Variants in PDIA5 observed in about 807,000 individuals in gnomAD.
The protein encoded by PDIA5 is protein disulfide-isomerase A5.
PDIA5 carries 58 observed loss-of-function variants against 77.6 expected under a neutral mutation model. That is an observed-to-expected ratio of 0.75 (90% CI 0.61 to 0.93). The LOEUF (loss-of-function observed/expected upper bound fraction) is 0.93. PDIA5 is among the 40% of genes least tolerant of loss of function. The pLI is 0.00. For synonymous variants in PDIA5, 250 were observed against 252.1 expected, an observed-to-expected ratio of 0.99 and a Z score of 0.08; for missense variants, 630 against 647.7, an observed-to-expected ratio of 0.97 and a Z score of 0.30.
intron 10 of PDIA5, 85 bp downstream of exon 10, chr3:123,124,428 G>T: frequency 1.1e-6 from 1 of 933,554 alleles, no homozygotes; most frequent in Non-Finnish European, 1.8e-6. Flanking sequence ...GCTCTGGCTG[G>T]AGGTTGGGGG....
chr3:123,110,374 G>A (rs970551466), intron 6 of PDIA5, among the ~76,000 whole-genome samples: 1 of 152,176 alleles, frequency 6.6e-6, no homozygotes, highest in Non-Finnish European at 1.5e-5. Context: ...TGGACTCCTG[G>A]GGATAAGGAT....
chr3:123,108,306 A>C (rs889061999), intron 6 of PDIA5, among the ~76,000 whole-genome samples: 8 of 141,162 alleles, frequency 5.7e-5, no homozygotes, highest in Non-Finnish European at 1.2e-4. Context: ...TTTGAGACAG[A>C]GTCTTACTTT....
chr3:123,130,444 G>C (rs1356234516), intron 10 of PDIA5, 36 bp from the exon 11 acceptor site: 1 of 1,598,246 alleles, frequency 6.3e-7, no homozygotes, highest in Non-Finnish European at 8.5e-7. Context: ...AGGCCCCAGG[G>C]CCTGCTCTGA....
intron 14 of PDIA5, among the ~76,000 whole-genome samples, chr3:123,153,956 A>G (rs1935966800): frequency 6.6e-6 from 1 of 152,182 alleles, no homozygotes; most frequent in African/African-American, 2.4e-5. Flanking sequence ...CCCCTTGCTC[A>G]GGGAAACCCT....
chr3:123,145,387 T>C, intron 11 of PDIA5, 135 bp from the exon 12 acceptor site: 1 of 644,446 alleles, frequency 1.6e-6, no homozygotes, highest in Admixed American at 2.8e-5. Context: ...ATATTTCTTT[T>C]CTTTGAGCTG....
chr3:123,155,661 G>A (rs984287686), intron 15 of PDIA5, among the ~76,000 whole-genome samples: 1 of 152,230 alleles, frequency 6.6e-6, no homozygotes, highest in Non-Finnish European at 1.5e-5. Flanking sequence ...GCCAGCCTTT[G>A]AGTTCCCTTC....
At chr3:123,133,704 C>T (rs374797727) in intron 11 of PDIA5, among the ~76,000 whole-genome samples, 1 of 152,174 alleles carries the variant, frequency 6.6e-6, no homozygotes, top group Non-Finnish European at 1.5e-5. Flanking sequence ...CATACTTTCA[C>T]ATTTGGCAGG....
intron 5 of PDIA5, among the ~76,000 whole-genome samples, chr3:123,103,653 C>G (rs1454276017): frequency 6.6e-6 from 1 of 152,160 alleles, no homozygotes; most frequent in Non-Finnish European, 1.5e-5. Flanking sequence ...TCCCCACCAT[C>G]TCTCCAGGTC....
At chr3:123,094,690 G>A (rs1157321342) in intron 3 of PDIA5, among the ~76,000 whole-genome samples, 1 of 152,232 alleles carries the variant, frequency 6.6e-6, no homozygotes, top group Non-Finnish European at 1.5e-5. Context: ...GCTTTCTGGT[G>A]CTGTCTGCCG....
At chr3:123,136,754 G>A (rs1326954168) in intron 11 of PDIA5, among the ~76,000 whole-genome samples, 2 of 149,188 alleles carry the variant, frequency 1.3e-5, no homozygotes, top group Non-Finnish European at 3.0e-5. Context: ...AAAAAAGGGG[G>A]TTGGGTTTTT....
At position 123,114,878 on chromosome 3, in the gene PDIA5, G is replaced by A. The variant is rs74973129; in HGVS notation, c.542-1353G>A. Reference sequence around the variant, plus strand: ...GGCAGAACTTAAGCCCAGGGTTCGCGTACTGGGGTGTGTGTGAGTCCATCT... The same window carrying A: ...GGCAGAACTTAAGCCCAGGGTTCGCATACTGGGGTGTGTGTGAGTCCATCT... On this transcript the variant is annotated intron_variant, in intron 7 of 16. Coordinates refer to ENST00000316218, the MANE Select transcript of PDIA5 (RefSeq NM_006810.4). Among the ~76,000 whole-genome samples the A allele has an allele frequency of 8.2e-3, 1,242 of 152,322 alleles. 10 individuals carry two copies. Among genetic ancestry groups the A allele is most frequent in the South Asian group, 0.021 (100 of 4,824 alleles).
intron 1 of PDIA5, among the ~76,000 whole-genome samples, chr3:123,088,553 A>G (rs753849903): frequency 6.6e-6 from 1 of 152,212 alleles, no homozygotes; most frequent in Admixed American, 6.5e-5. Flanking sequence ...ATGGACAGAC[A>G]TTGACCTCCC....
intron 1 of PDIA5, among the ~76,000 whole-genome samples, chr3:123,083,466 G>T (rs1934063150): frequency 6.6e-6 from 1 of 152,194 alleles, no homozygotes; most frequent in Admixed American, 6.5e-5. Flanking sequence ...AAAGCTGAGG[G>T]TTGTGAGCAG....
Position 123,161,644 on chromosome 3 carries a change from G to GC in PDIA5, c.1479+191dup, listed in dbSNP as rs1032326169. On this transcript the variant is annotated intron_variant, in intron 16 of 16. Transcript: ENST00000316218. ...TGTTGGAGGAGAGTCCCAAGGGGTT[G>GC]CCACAGATGTCCTGTCCCCAGAGGC... 15 of 674,348 alleles carry GC rather than the reference G, an allele frequency of 2.2e-5. No homozygotes were observed. In the Admixed American group the frequency reaches 4.4e-4, roughly 20 times the overall value. 41.8% of individuals were successfully genotyped at this position (674,348 alleles called of 1,614,324 possible).
chr3:123,083,865 T>G (rs146834655), intron 1 of PDIA5, among the ~76,000 whole-genome samples: 4 of 152,152 alleles, frequency 2.6e-5, no homozygotes, highest in Non-Finnish European at 5.9e-5. Flanking sequence ...TAAAATAGAC[T>G]GAAGTGGAGG....
intron 1 of PDIA5, among the ~76,000 whole-genome samples, chr3:123,068,328 G>A (rs1438379202): frequency 6.6e-6 from 1 of 152,178 alleles, no homozygotes; most frequent in East Asian, 1.9e-4. Flanking sequence ...CAATACCCTG[G>A]CCTTTTGGAT....
At chr3:123,104,054 G>A (rs559231007) in intron 5 of PDIA5, among the ~76,000 whole-genome samples, 6 of 152,340 alleles carry the variant, frequency 3.9e-5, no homozygotes, top group African/African-American at 1.4e-4. Flanking sequence ...GAAGAAGCAA[G>A]GAGCCCAGGT....
chr3:123,148,374 C>T (rs938592019), intron 13 of PDIA5, among the ~76,000 whole-genome samples: 1 of 151,976 alleles, frequency 6.6e-6, no homozygotes, highest in Non-Finnish European at 1.5e-5. Context: ...TCAAGACCAG[C>T]CTGGGCAACA....
At chr3:123,142,175 C>T (rs1250900845) in intron 11 of PDIA5, among the ~76,000 whole-genome samples, 1 of 152,230 alleles carries the variant, frequency 6.6e-6, no homozygotes, top group African/African-American at 2.4e-5. Flanking sequence ...GGGTCGCTGC[C>T]TAGAGGGAGC....
Sources: gnomAD v4.1 joint callset for allele counts (sites outside exome capture counted in the v4.1 genomes callset) on GRCh38, gnomAD v4.1.1 for gene constraint, MANE v1.5 for transcripts, NCBI Gene and HGNC (gene_info 2026-07-23, HGNC 2026-07-21) for gene names.